CDC5L: variants seen among roughly 807,000 people sequenced by gnomAD.
CDC5L encodes the protein cell division cycle 5 like.
Under a neutral mutation model 104.1 loss-of-function variants are expected in CDC5L, and 18 were observed. That is an observed-to-expected ratio of 0.17 (90% CI 0.12 to 0.26). CDC5L has a LOEUF of 0.26. Ranked by LOEUF, CDC5L falls within the 10% of genes least tolerant of loss-of-function variation. The pLI is 1.00. For synonymous variants in CDC5L, 331 were observed against 322.7 expected, an observed-to-expected ratio of 1.03 and a Z score of -0.28; for missense variants, 673 against 956.9, an observed-to-expected ratio of 0.70 and a Z score of 3.91.
chr6:44,411,629 A>AGTGTGTGT (rs1386078605), intron 8 of CDC5L, among the ~76,000 whole-genome samples: 18 of 4,664 alleles, frequency 3.9e-3, no homozygotes, highest in East Asian at 0.023. Context: ...AGAGAGAGAG[A>AGTGTGTGT]GAGAGAGAGT....
chr6:44,441,045 G>A (rs1793162490), intron 14 of CDC5L, among the ~76,000 whole-genome samples: 2 of 152,092 alleles, frequency 1.3e-5, no homozygotes, highest in Admixed American at 1.3e-4. Flanking sequence ...AAATAAACAT[G>A]ATTCTGTGAT....
chr6:44,388,713 G>A (rs1790465762), intron 1 of CDC5L, among the ~76,000 whole-genome samples: 1 of 142,016 alleles, frequency 7.0e-6, no homozygotes, highest in African/African-American at 2.6e-5. Flanking sequence ...CCTTCCTAGC[G>A]CTTGACATCT....
rs1261171303 is a variant in CDC5L, at chr6:44,426,086, T to A, written c.1570-17T>A. Reference sequence around the variant, plus strand: ...TACGCTATAGCTGCAATAAAGGATATAAAAATCATTTTTTAGGCCATACGA... The same window carrying A: ...TACGCTATAGCTGCAATAAAGGATAAAAAAATCATTTTTTAGGCCATACGA... On this transcript the variant is annotated splice_polypyrimidine_tract_variant and intron_variant, in intron 11 of 15. Transcript: ENST00000371477. The A allele has an allele frequency of 1.3e-6, 2 of 1,558,430 alleles. No individual in the cohort carries two copies. The highest frequency in any genetic ancestry group is 1.8e-6 in the Non-Finnish European group (2 of 1,140,718).
intron 8 of CDC5L, among the ~76,000 whole-genome samples, chr6:44,417,521 G>T (rs1020289117): frequency 6.6e-6 from 1 of 152,142 alleles, no homozygotes; most frequent in Non-Finnish European, 1.5e-5. Context: ...ACCTCTTGAT[G>T]GAAGGAGTAT....
chr6:44,387,782 G>A lies in CDC5L; in HGVS notation c.-42G>A. 6.5e-7 allele frequency: 1 copy of A among 1,538,804 alleles called. No homozygotes were observed. Among genetic ancestry groups the A allele is most frequent in the Non-Finnish European group, 8.8e-7 (1 of 1,135,344 alleles). ...GCCCAATCGCTGTTACTACTTCTCT[G>A]AAGCTCCTCTCGGCTGCTTGCCGAG... On this transcript the variant is annotated 5_prime_UTR_variant, in exon 1 of 16. Transcript: ENST00000371477.
chr6:44,435,111 C>CTT (rs571033985), intron 14 of CDC5L, among the ~76,000 whole-genome samples: 1 of 101,762 alleles, frequency 9.8e-6, no homozygotes, highest in Non-Finnish European at 2.0e-5. Context: ...TCCCATATAT[C>CTT]TTTTTTTTTT....
intron 2 of CDC5L, among the ~76,000 whole-genome samples, chr6:44,391,969 CAG>C (rs1422796178): frequency 1.3e-5 from 2 of 151,352 alleles, no homozygotes; most frequent in African/African-American, 4.9e-5. Flanking sequence ...GCCTGGGCGA[CAG>C]AGTGAGGCTT....
chr6:44,432,568 C>G (rs1481776071), intron 14 of CDC5L, among the ~76,000 whole-genome samples: 1 of 151,632 alleles, frequency 6.6e-6, no homozygotes, highest in Non-Finnish European at 1.5e-5. Context: ...AGTCTTTGAG[C>G]CATTCATTAC....
At chr6:44,413,306 G>T (rs924337828) in intron 8 of CDC5L, among the ~76,000 whole-genome samples, 1 of 152,062 alleles carries the variant, frequency 6.6e-6, no homozygotes, top group Non-Finnish European at 1.5e-5. Flanking sequence ...CATCCATGTT[G>T]TAGCTTTTAT....
intron 13 of CDC5L, among the ~76,000 whole-genome samples, chr6:44,428,851 G>C (rs1792542927): frequency 6.6e-6 from 1 of 152,122 alleles, no homozygotes; most frequent in Admixed American, 6.5e-5. Context: ...GTGACAAAAA[G>C]ATGCCTAGCT....
At chr6:44,403,425 A>G (rs937699924) in intron 5 of CDC5L, among the ~76,000 whole-genome samples, 1 of 151,496 alleles carries the variant, frequency 6.6e-6, no homozygotes, top group Non-Finnish European at 1.5e-5. Context: ...AATTTCATTT[A>G]TAAATTTTCA....
At chr6:44,426,343 C>A in intron 12 of CDC5L, 139 bp from the exon 13 acceptor site, 1 of 759,090 alleles carries the variant, frequency 1.3e-6, no homozygotes, top group Non-Finnish European at 2.1e-6. Context: ...TTCAGTAGTA[C>A]CAGAAAGAAT....
chr6:44,423,202 G>T (rs114462219), intron 10 of CDC5L, among the ~76,000 whole-genome samples: 1 of 151,960 alleles, frequency 6.6e-6, no homozygotes, highest in African/African-American at 2.4e-5. Context: ...TAATGATACT[G>T]GCTTGTCTTC....
At position 44,445,726 on chromosome 6, in the gene CDC5L, T is replaced by C. The variant is rs2273666; in HGVS notation, c.2163T>C (p.Leu721=). 1 of 1,613,946 alleles carries C rather than the reference T, an allele frequency of 6.2e-7. No homozygotes were observed. The highest frequency in any genetic ancestry group is 8.5e-7 in the Non-Finnish European group (1 of 1,179,950). The change falls in exon 15 of 16, where the codon CTT becomes CTC. Residue 721 remains leucine, a synonymous_variant. Transcript: ENST00000371477. The part of the protein sequence containing the change: ...AKMEKKMKIL[L]GGYQSRAMGL... ...TGGAAAAGAAGATGAAAATTTTGCT[T>C]GGGGGTTACCAGTCTCGTGCTATGG... is the stretch of plus-strand genomic sequence containing the variant.
chr6:44,392,952 C>A lies in CDC5L; in HGVS notation c.311+124C>A, dbSNP rs144210111. ...GATGTGAGTAAACCCAAAGCTAAAGCCATTGGATAATATTTTCCATATCTC... is the reference window on the plus strand; with the variant it reads ...GATGTGAGTAAACCCAAAGCTAAAGACATTGGATAATATTTTCCATATCTC... On this transcript the variant is annotated intron_variant, in intron 3 of 15. Transcript: ENST00000371477. 31 of 712,960 alleles carry A rather than the reference C, an allele frequency of 4.3e-5. No homozygotes were observed. In the African/African-American group the frequency reaches 4.4e-4, roughly 10 times the overall value. The allele number at this position is 712,960 out of a possible 1,614,324, so 44.2% of individuals were successfully genotyped here.
intron 14 of CDC5L, among the ~76,000 whole-genome samples, chr6:44,442,847 G>A (rs963080778): frequency 1.3e-5 from 2 of 152,104 alleles, no homozygotes; most frequent in Non-Finnish European, 2.9e-5. Context: ...AAATTTTCAT[G>A]TTATTAATTA....
rs114722174 is a variant in CDC5L at position 44,436,809 on chromosome 6, C to T, written c.2091+6899C>T. Among the ~76,000 whole-genome samples, 1,217 of 152,182 alleles carry T rather than the reference C, an allele frequency of 8.0e-3. 22 individuals carry two copies. The highest frequency in any genetic ancestry group is 0.028 in the African/African-American group (1,159 of 41,516). The stretch of plus-strand genomic sequence containing the variant: ...AAATTTGTCAGCTTGGCCTTCCTAC[C>T]GATTTGTATGTGGATATATTCTTAA... On this transcript the variant is annotated intron_variant, in intron 14 of 15. Transcript: ENST00000371477.
At position 44,426,664 on chromosome 6, in the gene CDC5L, G is replaced by A. The variant is rs147979729; in HGVS notation, c.1833G>A (p.Glu611=). 14 of 1,612,518 alleles carry A rather than the reference G, an allele frequency of 8.7e-6. No individual in the cohort carries two copies. Among genetic ancestry groups the A allele is most frequent in the Non-Finnish European group, 1.2e-5 (14 of 1,178,898 alleles). ...KTVGFGTNNS[E]HITYLEHNPY... ...TAGGGTTTGGTACCAATAATTCAGA[G>A]CACATTACCTATCTGGAACATAATC... Residue 611 remains glutamate (E), a synonymous_variant, in exon 13 of 16, where the codon GAG becomes GAA. Transcript: ENST00000371477.
intron 8 of CDC5L, among the ~76,000 whole-genome samples, chr6:44,418,783 A>G (rs1196854285): frequency 6.6e-6 from 1 of 151,070 alleles, no homozygotes; most frequent in Non-Finnish European, 1.5e-5. Context: ...TTGGCTGCAT[A>G]AATGTCTTCT....
Sources: allele counts gnomAD v4.1 joint callset (sites outside exome capture counted in the v4.1 genomes callset), GRCh38; gene constraint gnomAD v4.1.1; transcripts MANE v1.5; gene names NCBI Gene and HGNC (gene_info 2026-07-23, HGNC 2026-07-21).